The following TENM1 variants were observed in gnomAD, a reference collection of about 807,000 sequenced individuals.
TENM1 encodes teneurin-1.
In TENM1, 35 loss-of-function variants were observed where a neutral mutation model predicts 174.8. The ratio of observed to expected loss-of-function variants is 0.20; its 90% CI spans 0.15 to 0.27. The LOEUF is 0.27. TENM1 is among the 10% of genes least tolerant of loss of function. The pLI is 1.00. For synonymous variants in TENM1, 781 were observed against 798.7 expected (o/e 0.98, Z 0.37); for missense variants, 1,633 against 2,130.1 (o/e 0.77, Z 4.59).
intron 25 of TENM1, among the ~76,000 whole-genome samples, chrX:124,412,851 G>A (rs906393511): frequency 3.5e-5 from 4 of 112,711 alleles, no homozygotes; most frequent in African/African-American, 1.3e-4. Context: ...TTTCTGTAAA[G>A]AAGAAACTAG....
intron 3 of TENM1, among the ~76,000 whole-genome samples, chrX:124,832,063 T>C (rs2056301430): frequency 8.9e-6 from 1 of 111,749 alleles, no homozygotes; most frequent in South Asian, 3.8e-4. Context: ...TTTTGTTTTA[T>C]CACATCCCAG....
intron 11 of TENM1, among the ~76,000 whole-genome samples, chrX:124,634,959 T>C (rs2050844811): frequency 8.9e-6 from 1 of 111,869 alleles, no homozygotes. Flanking sequence ...CACATGTTTA[T>C]GTGTGTATGT....
At chrX:124,981,250 G>T in the TENM1 span, among the ~76,000 whole-genome samples, 6 of 111,285 alleles carry the variant, frequency 5.4e-5, no homozygotes, top group East Asian at 1.7e-3. Context: ...CAAAAACCCC[G>T]GTTTTATTAC....
At chrX:124,560,215 GTGTGTGTGTGTGTGTGTGTA>G (rs1177236603) in intron 14 of TENM1, among the ~76,000 whole-genome samples, 1 of 107,054 alleles carries the variant, frequency 9.3e-6, no homozygotes, top group East Asian at 3.0e-4. Flanking sequence ...GTGTGTGTGT[GTGTGTGTGTGTGTGTGTGTA>G]TGTGTGGTGT....
chrX:124,413,247 T>C (rs906327877), intron 25 of TENM1, among the ~76,000 whole-genome samples: 6 of 111,804 alleles, frequency 5.4e-5, no homozygotes, highest in African/African-American at 1.6e-4. Context: ...TGGTGGTCTG[T>C]TGCCTTCGTT....
At chrX:124,652,009 C>T (rs1393053432) in exon 8 of TENM1, 2 of 1,209,843 alleles carry the variant, frequency 1.7e-6, no homozygotes, top group Non-Finnish European at 2.2e-6. Context: ...CTCTATGAAA[C>T]CTGTCTCCTG....
chrX:124,434,740 T>A (rs1289506159), intron 23 of TENM1, among the ~76,000 whole-genome samples: 1 of 112,136 alleles, frequency 8.9e-6, no homozygotes. Context: ...TCCTTCAGAC[T>A]CCACAGCTAA....
At chrX:124,738,893 A>G (rs2053739250) in intron 3 of TENM1, among the ~76,000 whole-genome samples, 1 of 112,289 alleles carries the variant, frequency 8.9e-6, no homozygotes, top group African/African-American at 3.2e-5. Flanking sequence ...ACTAGAACTC[A>G]CATCTCTTGA....
At chrX:124,480,725 T>C (rs959195026) in intron 22 of TENM1, among the ~76,000 whole-genome samples, 1 of 112,109 alleles carries the variant, frequency 8.9e-6, no homozygotes, top group Non-Finnish European at 1.9e-5. Context: ...ATTATTTGTA[T>C]AATAACTAAG....
chrX:125,089,528 A>G, the TENM1 span, among the ~76,000 whole-genome samples: 1 of 112,173 alleles, frequency 8.9e-6, no homozygotes, highest in South Asian at 3.7e-4. Flanking sequence ...CTAATTGTTG[A>G]ATGTGTGGAT....
chrX:125,088,643 G>T, the TENM1 span, among the ~76,000 whole-genome samples: 1 of 110,183 alleles, frequency 9.1e-6, no homozygotes, highest in East Asian at 2.9e-4. Flanking sequence ...AGTGAAGAAA[G>T]GGGGGGAAAT....
chrX:124,965,424 T>C (rs752124290), upstream of TENM1, among the ~76,000 whole-genome samples: 16 of 111,924 alleles, frequency 1.4e-4, no homozygotes, highest in Non-Finnish European at 1.5e-4. Flanking sequence ...TTGACTGATA[T>C]ATGTTTTAAA....
rs1471437298 is a variant in TENM1, at chrX:124,715,384, G to C, written c.777-10133C>G. Among the ~76,000 whole-genome samples the C allele has an allele frequency of 2.8e-5, 3 of 106,942 alleles. No homozygotes were observed. In the East Asian group the frequency reaches 8.7e-4, roughly 31 times the overall value. The allele number at this position is 106,942 out of a possible 115,157, so 92.9% of individuals were successfully genotyped here. Reference sequence around the variant, plus strand: ...AGTAAATCAGACTCTAAATTTCCTAGGACTTAAAAAAAAAAAAAACTCTTC... The same window carrying C: ...AGTAAATCAGACTCTAAATTTCCTACGACTTAAAAAAAAAAAAAACTCTTC... On this transcript the variant is annotated intron_variant, in intron 4 of 31. Coordinates refer to ENST00000422452, the Ensembl canonical transcript of TENM1.
At chrX:125,113,832 G>A in the TENM1 span, among the ~76,000 whole-genome samples, 1 of 110,697 alleles carries the variant, frequency 9.0e-6, no homozygotes, top group Non-Finnish European at 1.9e-5. Context: ...TCACCCCACT[G>A]TCAATATTAG....
exon 30 of TENM1, chrX:124,384,840 G>A: frequency 4.2e-6 from 5 of 1,203,764 alleles, no homozygotes; most frequent in Non-Finnish European, 4.5e-6. Context: ...AAAATCTGGC[G>A]TCCAATAAGA....
chrX:124,750,484 T>C (rs935404694), intron 3 of TENM1, among the ~76,000 whole-genome samples: 1 of 112,320 alleles, frequency 8.9e-6, no homozygotes, highest in Admixed American at 9.5e-5. Flanking sequence ...TACTTCTTTT[T>C]AGTGTTTTTA....
At chrX:124,779,635 G>C (rs2054862253) in intron 3 of TENM1, among the ~76,000 whole-genome samples, 1 of 111,234 alleles carries the variant, frequency 9.0e-6, no homozygotes, top group South Asian at 3.8e-4. Context: ...TGTGCAAATG[G>C]GAAAAGTTTT....
the TENM1 span, among the ~76,000 whole-genome samples, chrX:125,152,318 TAAGA>T: frequency 1.8e-5 from 2 of 110,347 alleles, no homozygotes; most frequent in African/African-American, 6.6e-5. Context: ...TATGGGAGTT[TAAGA>T]AAGTAAGAGA....
chrX:124,615,471 C>CA (rs113981700), intron 11 of TENM1, among the ~76,000 whole-genome samples: 15,246 of 111,464 alleles, frequency 0.14, 1,683 homozygotes, highest in African/African-American at 0.38. Flanking sequence ...CATTTCCTCA[C>CA]AGGTTGTTGT....
Sources: gnomAD v4.1 joint callset for allele counts (sites outside exome capture counted in the v4.1 genomes callset) on GRCh38, gnomAD v4.1.1 for gene constraint, MANE v1.5 for transcripts, NCBI Gene and HGNC (gene_info 2026-07-23, HGNC 2026-07-21) for gene names.